The following LANCL1 variants were observed in gnomAD, a reference collection of about 807,000 sequenced individuals.
LANCL1 encodes the protein LanC like glutathione S-transferase 1, also known as glutathione S-transferase LANCL1.
Under a neutral mutation model 50.6 loss-of-function variants are expected in LANCL1, and 50 were observed. The observed-to-expected ratio is 0.99, with a 90% confidence interval of 0.79 to 1.25. LANCL1 has a LOEUF of 1.25. Ranked by LOEUF, LANCL1 falls within the 50% of genes most tolerant of loss-of-function variation. The pLI is 0.00. For missense variants in LANCL1, 532 were observed against 480.7 expected (o/e 1.11, Z -1.00); for synonymous variants, 188 against 178.6 (o/e 1.05, Z -0.42).
intron 4 of LANCL1, among the ~76,000 whole-genome samples, chr2:210,449,951 T>G (rs777720405): frequency 3.3e-5 from 5 of 152,166 alleles, no homozygotes; most frequent in Non-Finnish European, 7.4e-5. Flanking sequence ...CTATCCCCAT[T>G]AAGCTACCAC....
chr2:210,443,136 A>G (rs1284074142), intron 4 of LANCL1, among the ~76,000 whole-genome samples: 1 of 152,188 alleles, frequency 6.6e-6, no homozygotes, highest in East Asian at 1.9e-4. Flanking sequence ...TTTTCATCAG[A>G]GACCAAAAGG....
chr2:210,435,446 C>T lies in LANCL1; in HGVS notation c.1064G>A (p.Cys355Tyr). 1.9e-6 allele frequency: 3 copies of T among 1,613,260 alleles called. No individual in the cohort carries two copies. Among genetic ancestry groups the T allele is most frequent in the Non-Finnish European group, 2.5e-6 (3 of 1,179,332 alleles). The change falls in exon 9 of 10, where the codon TGC becomes TAC. Residue 355 changes from cysteine to tyrosine, a missense_variant. By Grantham distance (194) the Cys-to-Tyr change is radical (BLOSUM62 -2). Transcript: ENST00000450366. The stretch of plus-strand genomic sequence containing the variant: ...GCATCCATGTTCTCCATACTCTAAG[C>T]ACCATTCAGCAAACTGAAAATGAGA... ...LYRACKFAEW[C>Y]LEYGEHGCRT...
At chr2:210,463,634 CT>C (rs1693942776) in intron 3 of LANCL1, among the ~76,000 whole-genome samples, 1 of 152,030 alleles carries the variant, frequency 6.6e-6, no homozygotes, top group African/African-American at 2.4e-5. Flanking sequence ...TTTTATTATT[CT>C]TTTTTTGAAC....
chr2:210,449,379 A>G (rs575068594), intron 4 of LANCL1, among the ~76,000 whole-genome samples: 1 of 152,336 alleles, frequency 6.6e-6, no homozygotes, highest in Non-Finnish European at 1.5e-5. Context: ...ATCTATGACA[A>G]GCCCACAGCC....
chr2:210,472,502 C>G (rs1694253810), intron 2 of LANCL1, among the ~76,000 whole-genome samples: 1 of 151,924 alleles, frequency 6.6e-6, no homozygotes. Context: ...TCTAATTGCT[C>G]TTATTTAAAA....
intron 1 of LANCL1, 65 bp from the exon 2 acceptor site, chr2:210,476,477 G>A (rs1422712608): frequency 1.5e-6 from 2 of 1,360,784 alleles, no homozygotes; most frequent in South Asian, 1.3e-5. Flanking sequence ...TGCGAGGGCG[G>A]CGGCGGCGCC....
rs941740666 is a variant in LANCL1, at chr2:210,476,692, C to T, written c.-89G>A. 42 of 1,199,250 alleles carry T rather than the reference C, an allele frequency of 3.5e-5. No homozygotes were observed. In the Middle Eastern group the frequency reaches 1.0e-3, roughly 30 times the overall value. 74.3% of individuals were successfully genotyped at this position (1,199,250 alleles called of 1,614,324 possible). On this transcript the variant is annotated 5_prime_UTR_variant, in exon 1 of 10. Transcript: ENST00000450366. ...TTGAAGCAAGTGCGCCTCCCGCGTC[C>T]TGAAGCCCTTCTCGGCCCTGGCCTC...
chr2:210,476,827 A>G (rs991497603), upstream of LANCL1: 4 of 1,000,508 alleles, frequency 4.0e-6, no homozygotes, highest in Non-Finnish European at 4.8e-6. Context: ...CTTCTCTCTT[A>G]CAGTTTGTTA....
At chr2:210,437,669 T>C (rs894556785) in intron 7 of LANCL1, 21 bp downstream of exon 7, 4 of 1,422,794 alleles carry the variant, frequency 2.8e-6, no homozygotes, top group Non-Finnish European at 3.7e-6. Flanking sequence ...AAAAAATTTA[T>C]TTCAAAAATA....
intron 3 of LANCL1, chr2:210,469,080 A>T (rs1264780979): frequency 6.6e-6 from 1 of 152,204 alleles, no homozygotes; most frequent in Non-Finnish European, 1.5e-5. Flanking sequence ...AAGAAATATA[A>T]TGTGTGTTTC....
At chr2:210,474,719 CG>C (rs1694308045) in intron 2 of LANCL1, among the ~76,000 whole-genome samples, 1 of 110,854 alleles carries the variant, frequency 9.0e-6, no homozygotes, top group Admixed American at 9.7e-5. Flanking sequence ...GGTGAGACTC[CG>C]TCTAAAAAAA....
In LANCL1 at chr2:210,434,334, G is replaced by T; in HGVS notation, c.*153C>A. 1.7e-6 allele frequency: 1 copy of T among 576,674 alleles called. No homozygotes were observed. The highest frequency in any genetic ancestry group is 3.1e-6 in the Non-Finnish European group (1 of 325,956). The allele number at this position is 576,674 out of a possible 1,614,324, so 35.7% of individuals were successfully genotyped here. A position where few individuals can be genotyped will look rare whatever the true frequency, so the allele number is the denominator to read the frequency against. On this transcript the variant is annotated 3_prime_UTR_variant, in exon 10 of 10. Transcript: ENST00000450366. Reference sequence around the variant, plus strand: ...AAGTAAAAGTAAATGATAATGGAAGGGAACTGAATGAAAGATAAATTCTGA... The same window carrying T: ...AAGTAAAAGTAAATGATAATGGAAGTGAACTGAATGAAAGATAAATTCTGA...
chr2:210,458,014 T>A (rs1411799681), intron 3 of LANCL1, among the ~76,000 whole-genome samples: 3 of 152,188 alleles, frequency 2.0e-5, no homozygotes, highest in African/African-American at 7.2e-5. Flanking sequence ...GAAAATGTTC[T>A]TGAAGGGAAG....
chr2:210,431,379 A>G lies in LANCL1; in HGVS notation c.*3108T>C, dbSNP rs935909705. 1 of 152,338 alleles carries G rather than the reference A, an allele frequency of 6.6e-6. No homozygotes were observed. Among genetic ancestry groups the G allele is most frequent in the Non-Finnish European group, 1.5e-5 (1 of 68,024 alleles). 9.4% of individuals were successfully genotyped at this position (152,338 alleles called of 1,614,324 possible). ...TTGGGGTAGTTTCCCTGAATATCCCAAACAGTTTGCTTTATAATTAGAGAA... is the reference window on the plus strand; with the variant it reads ...TTGGGGTAGTTTCCCTGAATATCCCGAACAGTTTGCTTTATAATTAGAGAA... On this transcript the variant is annotated 3_prime_UTR_variant, in exon 10 of 10. Coordinates refer to ENST00000450366, the MANE Select transcript of LANCL1 (RefSeq NM_006055.3).
intron 2 of LANCL1, among the ~76,000 whole-genome samples, chr2:210,475,199 C>G (rs1463111588): frequency 6.6e-6 from 1 of 152,152 alleles, no homozygotes; most frequent in African/African-American, 2.4e-5. Flanking sequence ...ATTAATTTGA[C>G]AGGGATGAAA....
intron 2 of LANCL1, among the ~76,000 whole-genome samples, chr2:210,473,362 C>T (rs965471375): frequency 2.0e-5 from 3 of 152,034 alleles, no homozygotes; most frequent in South Asian, 2.1e-4. Context: ...GCAACAAGAG[C>T]GAAACTCCAT....
intron 8 of LANCL1, among the ~76,000 whole-genome samples, chr2:210,435,674 A>C (rs984866076): frequency 2.0e-5 from 3 of 152,132 alleles, no homozygotes; most frequent in Non-Finnish European, 4.4e-5. Context: ...AAGGTTATTC[A>C]AGAAGAAAGG....
chr2:210,477,516 C>T (rs1694422694), upstream of LANCL1: 1 of 1,279,686 alleles, frequency 7.8e-7, no homozygotes, highest in Non-Finnish European at 9.9e-7. Context: ...GTCAGCCTCA[C>T]TCTCTCCTTT....
At chr2:210,454,840 T>C (rs1277980577) in intron 4 of LANCL1, among the ~76,000 whole-genome samples, 1 of 152,186 alleles carries the variant, frequency 6.6e-6, no homozygotes, top group African/African-American at 2.4e-5. Flanking sequence ...GGATTAGTAA[T>C]CATATGTTAA....
Sources: allele counts gnomAD v4.1 joint callset (sites outside exome capture counted in the v4.1 genomes callset), GRCh38; gene constraint gnomAD v4.1.1; transcripts MANE v1.5; gene names NCBI Gene and HGNC (gene_info 2026-07-23, HGNC 2026-07-21).